CDH12: variants seen among roughly 807,000 people sequenced by gnomAD.
The protein encoded by CDH12 is cadherin 12, also known as cadherin-12.
A neutral mutation model predicts 74.1 loss-of-function variants in CDH12; 41 were observed. That is an observed-to-expected ratio of 0.55 (90% CI 0.43 to 0.72). The LOEUF (loss-of-function observed/expected upper bound fraction) is 0.72, where lower values mean the gene tolerates loss of function less well. CDH12 is among the 30% of genes least tolerant of loss of function. The pLI, the probability that CDH12 is intolerant of heterozygous loss-of-function variation, is 0.00. For synonymous variants in CDH12, 399 were observed against 355.0 expected (o/e 1.12, Z -1.39); for missense variants, 945 against 977.2 (o/e 0.97, Z 0.44).
chr5:22,132,289 G>C (rs1462638959), intron 4 of CDH12, among the ~76,000 whole-genome samples: 1 of 151,906 alleles, frequency 6.6e-6, no homozygotes, highest in Non-Finnish European at 1.5e-5. Context: ...AAAATAAAAT[G>C]TTCTGAAGTG....
chr5:22,497,131 A>T (rs1403344244), intron 2 of CDH12, among the ~76,000 whole-genome samples: 1 of 152,224 alleles, frequency 6.6e-6, no homozygotes, highest in East Asian at 1.9e-4. Context: ...AAATCATAGA[A>T]TAACGCCTGA....
At chr5:22,293,311 A>C (rs1316644963) in intron 3 of CDH12, among the ~76,000 whole-genome samples, 3 of 152,150 alleles carry the variant, frequency 2.0e-5, no homozygotes, top group Non-Finnish European at 4.4e-5. Context: ...CAGTGACCAG[A>C]AGAATGAGCA....
chr5:22,749,569 A>G (rs12188256), intron 1 of CDH12, among the ~76,000 whole-genome samples: 34,834 of 152,140 alleles, frequency 0.23, 4,444 homozygotes, highest in South Asian at 0.31. Context: ...TTCTAAAAGT[A>G]AAATCAAATT....
At chr5:22,273,161 A>T (rs1736477534) in intron 3 of CDH12, among the ~76,000 whole-genome samples, 1 of 152,190 alleles carries the variant, frequency 6.6e-6, no homozygotes, top group South Asian at 2.1e-4. Context: ...GAGTCAGACC[A>T]TAACAGGTGC....
chr5:22,480,591 A>G (rs1746348893), intron 2 of CDH12, among the ~76,000 whole-genome samples: 1 of 152,034 alleles, frequency 6.6e-6, no homozygotes, highest in African/African-American at 2.4e-5. Flanking sequence ...TCAAAAAAAA[A>G]AAAAAAAATA....
At chr5:22,146,591 G>C (rs1189326294) in intron 4 of CDH12, among the ~76,000 whole-genome samples, 1 of 152,082 alleles carries the variant, frequency 6.6e-6, no homozygotes. Context: ...CTACCAAACA[G>C]AGGGAAGGAG....
intron 4 of CDH12, among the ~76,000 whole-genome samples, chr5:22,114,621 T>C (rs1744988238): frequency 6.6e-6 from 1 of 152,224 alleles, no homozygotes; most frequent in Non-Finnish European, 1.5e-5. Flanking sequence ...TTGTTGTTTT[T>C]AAAAATAAAA....
intron 3 of CDH12, among the ~76,000 whole-genome samples, chr5:22,265,617 AG>A (rs1753677016): frequency 2.0e-5 from 3 of 152,154 alleles, no homozygotes; most frequent in Admixed American, 2.0e-4. Flanking sequence ...AGAAGTCATC[AG>A]TTGTAGATAA....
chr5:22,053,817 A>G (rs1740556365), intron 5 of CDH12, among the ~76,000 whole-genome samples: 1 of 152,010 alleles, frequency 6.6e-6, no homozygotes, highest in African/African-American at 2.4e-5. Flanking sequence ...TCCAAATGTA[A>G]TCTAATTTTA....
intron 6 of CDH12, among the ~76,000 whole-genome samples, chr5:21,891,475 A>G (rs1306802526): frequency 6.6e-6 from 1 of 152,028 alleles, no homozygotes; most frequent in Non-Finnish European, 1.5e-5. Flanking sequence ...GAAATGAATT[A>G]CACACATCAT....
At chr5:22,335,902 T>C (rs1365053198) in intron 3 of CDH12, among the ~76,000 whole-genome samples, 1 of 152,142 alleles carries the variant, frequency 6.6e-6, no homozygotes, top group Non-Finnish European at 1.5e-5. Context: ...AGGCAGAGGT[T>C]GGAACAGTTT....
intron 1 of CDH12, among the ~76,000 whole-genome samples, chr5:22,815,344 A>C (rs563817548): frequency 1.4e-4 from 22 of 152,228 alleles, no homozygotes; most frequent in Non-Finnish European, 3.2e-4. Context: ...TAGAGATGTA[A>C]CAATGAACAT....
At chr5:22,450,881 T>A (rs74487337) in intron 2 of CDH12, among the ~76,000 whole-genome samples, 1 of 148,106 alleles carries the variant, frequency 6.8e-6, no homozygotes, top group African/African-American at 2.5e-5. Context: ...AAGCCACTTT[T>A]TTTTTTTTTT....
At chr5:22,601,212 T>TG (rs981169779) in intron 1 of CDH12, among the ~76,000 whole-genome samples, 68 of 152,210 alleles carry the variant, frequency 4.5e-4, no homozygotes, top group African/African-American at 1.6e-3. Flanking sequence ...CAAGGGTACA[T>TG]GTGCAGTTTT....
intron 4 of CDH12, among the ~76,000 whole-genome samples, chr5:22,107,916 T>C (rs918822636): frequency 3.9e-5 from 6 of 152,146 alleles, no homozygotes; most frequent in African/African-American, 1.4e-4. Context: ...TGAGATACTA[T>C]AAAGCAATCA....
At chr5:22,461,551 A>G (rs914372790) in intron 2 of CDH12, among the ~76,000 whole-genome samples, 2 of 151,968 alleles carry the variant, frequency 1.3e-5, no homozygotes, top group Non-Finnish European at 1.5e-5. Flanking sequence ...ATATTTTCCA[A>G]GACATATTAG....
chr5:22,067,399 C>T (rs1561076026), intron 5 of CDH12, among the ~76,000 whole-genome samples: 1 of 152,144 alleles, frequency 6.6e-6, no homozygotes, highest in African/African-American at 2.4e-5. Context: ...AGAAAAGAGA[C>T]ACAACACTTA....
intron 1 of CDH12, among the ~76,000 whole-genome samples, chr5:22,534,954 G>A (rs1033983206): frequency 6.8e-6 from 1 of 147,314 alleles, no homozygotes; most frequent in Non-Finnish European, 1.5e-5. Flanking sequence ...TTTAAAACTG[G>A]CCATTTTTGC....
chr5:22,132,869 A>G (rs1197308527), intron 4 of CDH12, among the ~76,000 whole-genome samples: 1 of 152,078 alleles, frequency 6.6e-6, no homozygotes, highest in Non-Finnish European at 1.5e-5. Context: ...CCAAATTCCA[A>G]GGAGCCACTG....
Sources: allele counts gnomAD v4.1 joint callset (sites outside exome capture counted in the v4.1 genomes callset), GRCh38; gene constraint gnomAD v4.1.1; transcripts MANE v1.5; gene names NCBI Gene and HGNC (gene_info 2026-07-23, HGNC 2026-07-21).